The following GPHN variants were observed in gnomAD, a reference collection of about 807,000 sequenced individuals.
The protein encoded by GPHN is gephyrin.
A neutral mutation model predicts 95.5 loss-of-function variants in GPHN; 17 were observed. That is an observed-to-expected ratio of 0.18 (90% CI 0.12 to 0.27). The LOEUF is 0.27. Among genes scored for constraint, GPHN ranks in the 10% least tolerant of loss-of-function variants. The pLI is 1.00. For synonymous variants in GPHN, 320 were observed against 322.5 expected (o/e 0.99, Z 0.08); for missense variants, 660 against 978.1 (o/e 0.67, Z 4.34).
chr14:66,807,579 C>T (rs1369193803), intron 3 of GPHN, among the ~76,000 whole-genome samples: 1 of 152,128 alleles, frequency 6.6e-6, no homozygotes, highest in African/African-American at 2.4e-5. Flanking sequence ...TGTTACTTTC[C>T]AGTACTCCTT....
chr14:67,641,711 G>A, the GPHN span, among the ~76,000 whole-genome samples: 5,527 of 152,198 alleles, frequency 0.036, 285 homozygotes, highest in African/African-American at 0.11. Flanking sequence ...AGGATGAGGC[G>A]GGAGGATCAG....
At chr14:67,148,455 T>G (rs967327679) in intron 18 of GPHN, among the ~76,000 whole-genome samples, 7 of 152,128 alleles carry the variant, frequency 4.6e-5, no homozygotes, top group Non-Finnish European at 8.8e-5. Context: ...AATTGACACT[T>G]TAGAGCAAAG....
At chr14:66,559,289 T>C (rs1788872579) in intron 1 of GPHN, among the ~76,000 whole-genome samples, 1 of 150,720 alleles carries the variant, frequency 6.6e-6, no homozygotes, top group Admixed American at 6.6e-5. Context: ...GTATTTCTAT[T>C]TCTAGATCCC....
chr14:67,286,083 C>T, the GPHN span, among the ~76,000 whole-genome samples: 1 of 152,158 alleles, frequency 6.6e-6, no homozygotes, highest in Non-Finnish European at 1.5e-5. Flanking sequence ...ATAATTTAAA[C>T]TAGATATAAA....
intron 16 of GPHN, among the ~76,000 whole-genome samples, chr14:67,115,414 G>A (rs1026951893): frequency 3.3e-5 from 5 of 152,156 alleles, no homozygotes; most frequent in African/African-American, 4.8e-5. Flanking sequence ...CTTTCCTTAA[G>A]TATTGGTTTT....
At chr14:67,225,337 A>AAAGATCCCACTTAT in the GPHN span, 1 of 990,362 alleles carries the variant, frequency 1.0e-6, no homozygotes, top group Non-Finnish European at 1.4e-6. Flanking sequence ...AAAGTTGTTA[A>AAAGATCCCACTTAT]TAAGTGGGAT....
chr14:66,751,917 T>A (rs1336110384), intron 2 of GPHN, among the ~76,000 whole-genome samples: 1 of 152,134 alleles, frequency 6.6e-6, no homozygotes, highest in East Asian at 1.9e-4. Context: ...CTTATCTACA[T>A]TGAAATTCTG....
chr14:67,584,243 C>T, the GPHN span: 7 of 972,826 alleles, frequency 7.2e-6, no homozygotes, highest in Non-Finnish European at 1.1e-5. Flanking sequence ...GGTCACTATC[C>T]CTCCACTGTT....
the GPHN span, chr14:67,412,202 T>C: frequency 3.3e-6 from 2 of 600,174 alleles, no homozygotes; most frequent in African/African-American, 3.9e-5. Context: ...CCCTGGCGCG[T>C]GTCCAGAGCC....
the GPHN span, among the ~76,000 whole-genome samples, chr14:67,285,866 T>G: frequency 6.6e-6 from 1 of 152,116 alleles, no homozygotes; most frequent in Admixed American, 6.5e-5. Context: ...TTTACGAGGG[T>G]GGATTTGTGG....
the GPHN span, among the ~76,000 whole-genome samples, chr14:67,302,816 CTCAT>C: frequency 7.0e-6 from 1 of 143,110 alleles, no homozygotes; most frequent in Non-Finnish European, 1.6e-5. Flanking sequence ...AGTAATATAA[CTCAT>C]TAATTCACTC....
chr14:67,716,904 T>A, the GPHN span, among the ~76,000 whole-genome samples: 1 of 151,896 alleles, frequency 6.6e-6, no homozygotes, highest in Non-Finnish European at 1.5e-5. Context: ...AAAAGAATTT[T>A]AAAATAAATA....
chr14:67,223,442 C>T, the GPHN span, among the ~76,000 whole-genome samples: 1,711 of 152,316 alleles, frequency 0.011, 16 homozygotes, highest in Non-Finnish European at 0.018. Flanking sequence ...GGGCATGATT[C>T]GCTGTCTCAA....
chr14:66,699,767 G>A (rs1450499050), intron 2 of GPHN, among the ~76,000 whole-genome samples: 1 of 152,200 alleles, frequency 6.6e-6, no homozygotes, highest in Non-Finnish European at 1.5e-5. Flanking sequence ...GATAATAGGA[G>A]TGAAAGAAAC....
chr14:67,267,911 T>C, the GPHN span, among the ~76,000 whole-genome samples: 1 of 152,242 alleles, frequency 6.6e-6, no homozygotes, highest in South Asian at 2.1e-4. Flanking sequence ...TCCTTTCTTA[T>C]TGCATTTTTT....
At chr14:67,204,584 A>G in the GPHN span, 2 of 1,613,708 alleles carry the variant, frequency 1.2e-6, no homozygotes, top group Non-Finnish European at 1.7e-6. Flanking sequence ...GATGCGGAGA[A>G]CATGAGCCTG....
In GPHN at chr14:66,943,718, G is replaced by A. The variant is rs1014381983; in HGVS notation, c.828+19426G>A. ...TCTTCCTTTAAGCCAGTTAATTAGAGCTCTTTTTATAGGCATCACACACAC... is the reference window on the plus strand; with the variant it reads ...TCTTCCTTTAAGCCAGTTAATTAGAACTCTTTTTATAGGCATCACACACAC... On this transcript the variant is annotated intron_variant, in intron 8 of 22. Coordinates refer to ENST00000478722, the MANE Select transcript of GPHN (RefSeq NM_020806.5). Among the ~76,000 whole-genome samples the A allele has an allele frequency of 3.3e-5, 5 of 152,082 alleles. No individual in the cohort carries two copies. The South Asian group carries it at 6.2e-4, about 19-fold the overall frequency.
the GPHN span, among the ~76,000 whole-genome samples, chr14:67,483,253 T>C: frequency 6.6e-6 from 1 of 152,112 alleles, no homozygotes; most frequent in Admixed American, 6.5e-5. Context: ...TCAAGTGATC[T>C]GCCTGCCTCG....
chr14:66,833,556 G>A (rs1458919589), intron 4 of GPHN, among the ~76,000 whole-genome samples: 2 of 151,806 alleles, frequency 1.3e-5, no homozygotes, highest in Non-Finnish European at 2.9e-5. Flanking sequence ...CATGCTTTCA[G>A]GACTTTCTTA....
Sources: allele counts gnomAD v4.1 joint callset (sites outside exome capture counted in the v4.1 genomes callset), GRCh38; gene constraint gnomAD v4.1.1; transcripts MANE v1.5; gene names NCBI Gene and HGNC (gene_info 2026-07-23, HGNC 2026-07-21).